The following CTNNA3 variants were observed in gnomAD, a reference collection of about 807,000 sequenced individuals.
CTNNA3 encodes catenin alpha 3.
CTNNA3 carries 76 observed loss-of-function variants against 95.7 expected under a neutral mutation model. The observed-to-expected ratio is 0.79, with a 90% CI of 0.66 to 0.96. CTNNA3 has a LOEUF of 0.96. Among genes scored for constraint, CTNNA3 ranks in the 40% least tolerant of loss-of-function variants. CTNNA3 has a pLI of 0.00. For missense variants in CTNNA3, 1,191 were observed against 1,089.8 expected (o/e 1.09, Z -1.31); for synonymous variants, 431 against 374.4 (o/e 1.15, Z -1.74).
chr10:66,692,372 A>T (rs1385211951), intron 9 of CTNNA3, among the ~76,000 whole-genome samples: 4 of 152,210 alleles, frequency 2.6e-5, no homozygotes, highest in African/African-American at 9.7e-5. Flanking sequence ...GCAATGGAAG[A>T]TGAAATGAAT....
At chr10:67,761,603 G>A (rs1841461673) in intron 1 of CTNNA3, among the ~76,000 whole-genome samples, 1 of 152,138 alleles carries the variant, frequency 6.6e-6, no homozygotes, top group African/African-American at 2.4e-5. Flanking sequence ...CACGAGCCGG[G>A]CGCGGTGGTT....
At chr10:66,234,917 A>G (rs566556851) in intron 13 of CTNNA3, among the ~76,000 whole-genome samples, 17 of 152,326 alleles carry the variant, frequency 1.1e-4, no homozygotes, top group Admixed American at 9.8e-4. Flanking sequence ...CTGCAATTGA[A>G]GCCATCTGCT....
At chr10:66,962,972 T>C (rs912473198) in intron 7 of CTNNA3, among the ~76,000 whole-genome samples, 3 of 142,144 alleles carry the variant, frequency 2.1e-5, no homozygotes, top group Non-Finnish European at 4.6e-5. Context: ...TAAGTAGTTG[T>C]TGACTGAATG....
intron 11 of CTNNA3, among the ~76,000 whole-genome samples, chr10:66,443,693 C>T (rs1253589987): frequency 1.3e-5 from 2 of 151,890 alleles, no homozygotes; most frequent in African/African-American, 2.4e-5. Context: ...TCATCAAAGA[C>T]CAAAAGTAGA....
At chr10:66,749,780 A>G (rs924961201) in intron 9 of CTNNA3, among the ~76,000 whole-genome samples, 1 of 152,170 alleles carries the variant, frequency 6.6e-6, no homozygotes, top group African/African-American at 2.4e-5. Context: ...TTTGTAAGAA[A>G]CTGCCAAACT....
At chr10:67,559,980 G>A (rs1043774064) in intron 3 of CTNNA3, among the ~76,000 whole-genome samples, 3 of 152,158 alleles carry the variant, frequency 2.0e-5, no homozygotes, top group Non-Finnish European at 2.9e-5. Context: ...AGAAATAGGG[G>A]ACTATGTGAA....
At chr10:67,438,265 C>G (rs536061267) in intron 5 of CTNNA3, among the ~76,000 whole-genome samples, 1 of 152,188 alleles carries the variant, frequency 6.6e-6, no homozygotes, top group South Asian at 2.1e-4. Context: ...GCTGCCAAAA[C>G]TATCAATAAA....
chr10:67,006,692 G>T (rs1292510270), intron 7 of CTNNA3, among the ~76,000 whole-genome samples: 1 of 152,080 alleles, frequency 6.6e-6, no homozygotes, highest in Non-Finnish European at 1.5e-5. Context: ...CACACTATAA[G>T]ATGTAAACAT....
intron 7 of CTNNA3, among the ~76,000 whole-genome samples, chr10:67,084,928 ATTATG>A (rs1414169641): frequency 6.6e-5 from 10 of 152,060 alleles, no homozygotes; most frequent in East Asian, 1.9e-4. Context: ...ACTCCTTCAT[ATTATG>A]TTATATTTGT....
intron 14 of CTNNA3, among the ~76,000 whole-genome samples, chr10:66,099,122 G>A (rs893409192): frequency 1.3e-5 from 2 of 152,190 alleles, no homozygotes; most frequent in African/African-American, 4.8e-5. Context: ...ATACAGCAGA[G>A]TCTGCATGAT....
chr10:66,564,776 T>A (rs1192295921), intron 10 of CTNNA3, among the ~76,000 whole-genome samples: 4 of 152,206 alleles, frequency 2.6e-5, no homozygotes, highest in African/African-American at 9.6e-5. Flanking sequence ...TGAGCTTGAA[T>A]TATTTGAGCT....
At chr10:66,270,148 A>ATTATGG (rs143176150) in intron 13 of CTNNA3, among the ~76,000 whole-genome samples, 2,863 of 150,178 alleles carry the variant, frequency 0.019, 100 homozygotes, top group African/African-American at 0.066. Flanking sequence ...GGGTCTAATG[A>ATTATGG]TTACATTTTG....
At chr10:66,355,581 T>G (rs961368474) in intron 12 of CTNNA3, among the ~76,000 whole-genome samples, 1 of 152,074 alleles carries the variant, frequency 6.6e-6, no homozygotes, top group Admixed American at 6.6e-5. Flanking sequence ...CTCTTTATTT[T>G]TGAATTTTTA....
At chr10:66,955,071 A>G (rs1848718464) in intron 7 of CTNNA3, among the ~76,000 whole-genome samples, 5 of 152,194 alleles carry the variant, frequency 3.3e-5, no homozygotes, top group African/African-American at 7.2e-5. Context: ...ATCATATAAT[A>G]CATGGTAAAC....
intron 11 of CTNNA3, among the ~76,000 whole-genome samples, chr10:66,516,776 T>C (rs1299480433): frequency 1.3e-5 from 2 of 152,100 alleles, no homozygotes; most frequent in African/African-American, 4.8e-5. Flanking sequence ...CTGATGAAAA[T>C]CATCTGGGAA....
In CTNNA3 at chr10:66,552,249, C is replaced by T. The variant is rs966252926; in HGVS notation, c.1375-31476G>A. Among the ~76,000 whole-genome samples the T allele has an allele frequency of 2.6e-5, 4 of 152,072 alleles. 1 individual carries two copies. Among genetic ancestry groups the T allele is most frequent in the Admixed American group, 2.0e-4 (3 of 15,278 alleles). On this transcript the variant is annotated intron_variant, in intron 10 of 17. Transcript: ENST00000433211. ...CAGACTTTCTCTATGCTGGGATTTC[C>T]CCTCACTCTCCAGCCTTCTGGAGCT...
At chr10:66,211,288 A>G (rs2088137060) in intron 13 of CTNNA3, among the ~76,000 whole-genome samples, 1 of 152,198 alleles carries the variant, frequency 6.6e-6, no homozygotes, top group Non-Finnish European at 1.5e-5. Context: ...GAAATACTAC[A>G]TATGAGTAAT....
chr10:66,930,161 T>C (rs2132634999), intron 7 of CTNNA3, among the ~76,000 whole-genome samples: 1 of 152,258 alleles, frequency 6.6e-6, no homozygotes, highest in African/African-American at 2.4e-5. Context: ...AATCATACTT[T>C]TATAAGCAAT....
chr10:67,621,435 G>A (rs1026174396), intron 2 of CTNNA3, among the ~76,000 whole-genome samples: 14 of 152,062 alleles, frequency 9.2e-5, no homozygotes, highest in African/African-American at 3.4e-4. Flanking sequence ...ACCAGGGAGT[G>A]CAGAGTAGCT....
Sources: gnomAD v4.1 joint callset for allele counts (sites outside exome capture counted in the v4.1 genomes callset) on GRCh38, gnomAD v4.1.1 for gene constraint, MANE v1.5 for transcripts, NCBI Gene and HGNC (gene_info 2026-07-23, HGNC 2026-07-21) for gene names.